Variants in AUTS2 observed in about 807,000 individuals in gnomAD.
The protein encoded by AUTS2 is activator of transcription and developmental regulator AUTS2.
Under a neutral mutation model 112.4 loss-of-function variants are expected in AUTS2, and 17 were observed. The ratio of observed to expected loss-of-function variants is 0.15; its 90% CI spans 0.10 to 0.23. The LOEUF is 0.23. AUTS2 is among the 10% of genes least tolerant of loss of function. The pLI, the probability that AUTS2 is intolerant of heterozygous loss-of-function variation, is 1.00. For synonymous variants in AUTS2, 751 were observed against 702.7 expected, an observed-to-expected ratio of 1.07 and a Z score of -1.09; for missense variants, 1,510 against 1,701.6, an observed-to-expected ratio of 0.89 and a Z score of 1.98.
At chr7:69,761,175 G>A (rs1393810745) in intron 1 of AUTS2, among the ~76,000 whole-genome samples, 1 of 152,204 alleles carries the variant, frequency 6.6e-6, no homozygotes, top group Non-Finnish European at 1.5e-5. Context: ...AATGCTGTTG[G>A]ACTGGCAATT....
intron 4 of AUTS2, among the ~76,000 whole-genome samples, chr7:70,429,808 G>A (rs762319837): frequency 2.0e-5 from 3 of 151,756 alleles, no homozygotes; most frequent in South Asian, 2.1e-4. Context: ...AGTAATTGTC[G>A]TAACATATTA....
At chr7:70,396,052 G>T (rs764769258) in intron 4 of AUTS2, among the ~76,000 whole-genome samples, 11 of 152,080 alleles carry the variant, frequency 7.2e-5, no homozygotes, top group Non-Finnish European at 1.3e-4. Flanking sequence ...GCTTTATTGT[G>T]GTGTAATTGA....
intron 2 of AUTS2, among the ~76,000 whole-genome samples, chr7:70,084,381 C>T (rs1803482926): frequency 6.6e-6 from 1 of 152,170 alleles, no homozygotes; most frequent in African/African-American, 2.4e-5. Flanking sequence ...GTACAATGTA[C>T]ATTCTCTTGG....
intron 4 of AUTS2, among the ~76,000 whole-genome samples, chr7:70,255,258 G>A (rs1441673625): frequency 6.6e-6 from 1 of 151,876 alleles, no homozygotes; most frequent in African/African-American, 2.4e-5. Context: ...ATTTTTAGTA[G>A]AGACAGGGTT....
intron 1 of AUTS2, among the ~76,000 whole-genome samples, chr7:69,816,085 T>G (rs549203526): frequency 6.6e-6 from 1 of 152,310 alleles, no homozygotes; most frequent in South Asian, 2.1e-4. Context: ...ATCAAAGTAC[T>G]GTAGAAGGTG....
intron 1 of AUTS2, among the ~76,000 whole-genome samples, chr7:69,826,634 G>C (rs956832415): frequency 6.6e-6 from 1 of 152,198 alleles, no homozygotes; most frequent in African/African-American, 2.4e-5. Flanking sequence ...GTAGTCAAGA[G>C]AGTGTCATCT....
At chr7:70,290,245 A>G in intron 4 of AUTS2, 1 of 1,084,216 alleles carries the variant, frequency 9.2e-7, no homozygotes, top group Non-Finnish European at 1.2e-6. Flanking sequence ...TAAAGGAGAA[A>G]TAATTTCCCA....
At chr7:70,104,459 A>C (rs1804665548) in intron 2 of AUTS2, among the ~76,000 whole-genome samples, 1 of 152,208 alleles carries the variant, frequency 6.6e-6, no homozygotes, top group African/African-American at 2.4e-5. Flanking sequence ...TCAGAGTGGA[A>C]AACTTTCCTT....
Position 70,631,681 on chromosome 7 carries a change from T to C in AUTS2, c.691-66888T>C, listed in dbSNP as rs886827277. 1.3e-5 allele frequency among the ~76,000 whole-genome samples: 2 copies of C among 152,092 alleles called. No individual in the cohort carries two copies. Among genetic ancestry groups the C allele is most frequent in the African/African-American group, 4.8e-5 (2 of 41,418 alleles). ...AGAAATGGGTGTGCAGAGAATACAG[T>C]CAGCACCATTTATAGCCCCATGTCC... On this transcript the variant is annotated intron_variant, in intron 5 of 18. Coordinates refer to ENST00000342771, the MANE Select transcript of AUTS2 (RefSeq NM_015570.4). The surrounding 1 kb of genome is among the most constrained non-coding windows in gnomAD (Gnocchi z 4.5).
chr7:70,502,239 A>T (rs576653994), intron 5 of AUTS2, among the ~76,000 whole-genome samples: 1 of 152,164 alleles, frequency 6.6e-6, no homozygotes, highest in African/African-American at 2.4e-5. Context: ...CTTCAGGTCC[A>T]CCTCGTACCC....
intron 1 of AUTS2, among the ~76,000 whole-genome samples, chr7:69,802,053 T>C (rs1459830332): frequency 6.6e-6 from 1 of 152,170 alleles, no homozygotes; most frequent in Non-Finnish European, 1.5e-5. Flanking sequence ...CATAGCTCTT[T>C]GGAATGTGCT....
intron 4 of AUTS2, among the ~76,000 whole-genome samples, chr7:70,180,512 C>G (rs1278345963): frequency 1.3e-5 from 2 of 152,158 alleles, no homozygotes; most frequent in East Asian, 3.8e-4. Flanking sequence ...CAGGCTTTCC[C>G]TCATTTGTTT....
chr7:70,627,898 G>A (rs536742435), intron 5 of AUTS2, among the ~76,000 whole-genome samples: 1 of 152,256 alleles, frequency 6.6e-6, no homozygotes, highest in South Asian at 2.1e-4. Context: ...AAGGAAACAG[G>A]CCCCTGTGTA....
intron 2 of AUTS2, among the ~76,000 whole-genome samples, chr7:69,962,824 G>A (rs1310076702): frequency 6.6e-6 from 1 of 152,058 alleles, no homozygotes; most frequent in East Asian, 1.9e-4. Context: ...CAGAAGAAAA[G>A]CACGTACAAA....
chr7:70,655,371 G>A (rs146494190), intron 5 of AUTS2, among the ~76,000 whole-genome samples: 10 of 152,334 alleles, frequency 6.6e-5, no homozygotes, highest in South Asian at 2.1e-4. Flanking sequence ...TACAAGAAGC[G>A]TGGAGAAAGC....
At chr7:70,682,370 A>T (rs995727354) in intron 5 of AUTS2, among the ~76,000 whole-genome samples, 1 of 152,198 alleles carries the variant, frequency 6.6e-6, no homozygotes, top group Non-Finnish European at 1.5e-5. Context: ...GAAAGGGGGG[A>T]GACCAGATTT....
chr7:70,496,667 ATCG>A (rs1798535025), intron 5 of AUTS2, among the ~76,000 whole-genome samples: 2 of 90,716 alleles, frequency 2.2e-5, no homozygotes, highest in African/African-American at 4.4e-5. Flanking sequence ...TCACATCAGC[ATCG>A]ATCACACACC....
intron 4 of AUTS2, among the ~76,000 whole-genome samples, chr7:70,143,902 G>C (rs1010763895): frequency 6.6e-6 from 1 of 152,210 alleles, no homozygotes; most frequent in African/African-American, 2.4e-5. Context: ...CATAACAGCT[G>C]TGGTTCCTAG....
chr7:70,580,606 C>G (rs962473720), intron 5 of AUTS2, among the ~76,000 whole-genome samples: 5 of 152,198 alleles, frequency 3.3e-5, no homozygotes, highest in Admixed American at 2.6e-4. Flanking sequence ...TGTTCGTCAA[C>G]CTTTTTCTCT....
Sources: gnomAD v4.1 joint callset for allele counts (sites outside exome capture counted in the v4.1 genomes callset) on GRCh38, gnomAD v4.1.1 for gene constraint, Gnocchi (gnomAD v3.1) non-coding constraint, MANE v1.5 for transcripts, NCBI Gene and HGNC (gene_info 2026-07-23, HGNC 2026-07-21) for gene names.